Variants in CLIC2 observed in about 807,000 individuals in gnomAD.
The protein encoded by CLIC2 is CLIC family member 2, also known as chloride intracellular channel protein 2.
CLIC2 carries 9 observed loss-of-function variants against 14.8 expected under a neutral mutation model. The observed-to-expected ratio is 0.61, with a 90% CI of 0.37 to 1.06. The LOEUF is 1.06. CLIC2 is among the 50% of genes least tolerant of loss of function. CLIC2 has a pLI of 0.01. For synonymous variants in CLIC2, 61 were observed against 66.3 expected, an observed-to-expected ratio of 0.92 and a Z score of 0.39; for missense variants, 148 against 181.4, an observed-to-expected ratio of 0.82 and a Z score of 1.06.
intron 1 of CLIC2, among the ~76,000 whole-genome samples, chrX:155,312,555 T>G (rs1338806387): frequency 1.8e-5 from 2 of 111,946 alleles, no homozygotes; most frequent in East Asian, 5.6e-4. Flanking sequence ...CCATGCTGTT[T>G]TGGTAACCAT....
At chrX:155,285,832 T>G (rs894563451) in intron 3 of CLIC2, among the ~76,000 whole-genome samples, 2 of 110,118 alleles carry the variant, frequency 1.8e-5, no homozygotes, top group Non-Finnish European at 3.8e-5. Flanking sequence ...TTTCTTTCTT[T>G]TTTTTTTATT....
At chrX:155,281,578 C>T (rs1446787295) in intron 3 of CLIC2, among the ~76,000 whole-genome samples, 1 of 110,892 alleles carries the variant, frequency 9.0e-6, no homozygotes, top group East Asian at 2.8e-4. Flanking sequence ...CTTGATTCCT[C>T]TCTTTCCTTC....
intron 1 of CLIC2, among the ~76,000 whole-genome samples, chrX:155,317,437 T>G (rs1411408816): frequency 1.8e-5 from 2 of 111,717 alleles, no homozygotes; most frequent in Non-Finnish European, 3.8e-5. Flanking sequence ...CATCTTTACA[T>G]GCATAAACTA....
At chrX:155,303,201 A>T (rs1282204720) in intron 1 of CLIC2, among the ~76,000 whole-genome samples, 5 of 73,275 alleles carry the variant, frequency 6.8e-5, no homozygotes, top group Admixed American at 1.7e-4. Context: ...CCCATTATTA[A>T]TGTGTGGGAG....
intron 1 of CLIC2, among the ~76,000 whole-genome samples, chrX:155,319,826 C>T (rs1436755376): frequency 8.9e-6 from 1 of 112,123 alleles, no homozygotes; most frequent in Non-Finnish European, 1.9e-5. Flanking sequence ...ATTCTCACTG[C>T]CAGCACAGCA....
intron 1 of CLIC2, among the ~76,000 whole-genome samples, chrX:155,302,479 T>C (rs1197407371): frequency 5.1e-3 from 543 of 105,583 alleles, no homozygotes; most frequent in Non-Finnish European, 8.3e-3. Context: ...TTTTTTTCTT[T>C]ATTAGTCTTG....
At chrX:155,290,520 C>T (rs1349900644) in intron 3 of CLIC2, 2 of 564,108 alleles carry the variant, frequency 3.5e-6, no homozygotes, top group Non-Finnish European at 6.4e-6. Flanking sequence ...TTACAACATC[C>T]ATAGTTGTCT....
rs2075167649 is a variant in CLIC2 at position 155,334,501 on chromosome X, T to G, written c.-74A>C. The G allele has an allele frequency of 2.2e-6, 2 of 896,635 alleles. No individual in the cohort carries two copies. The highest frequency in any genetic ancestry group is 2.0e-5 in the South Asian group (1 of 50,436). The allele number at this position is 896,635 out of a possible 1,213,427, so 73.9% of individuals were successfully genotyped here. ...CAATACTTGTAGACTCTTTTCTCAA[T>G]TTTATCCAAAGACTCAAGTAATGTT... is the stretch of plus-strand genomic sequence containing the variant. On this transcript the variant is annotated 5_prime_UTR_variant, in exon 1 of 6. Coordinates refer to ENST00000369449, the MANE Select transcript of CLIC2 (RefSeq NM_001289.6).
intron 1 of CLIC2, among the ~76,000 whole-genome samples, chrX:155,299,928 AG>A (rs2075009535): frequency 9.1e-6 from 1 of 110,486 alleles, no homozygotes. Flanking sequence ...ATGGCTGCAT[AG>A]TATTCCATGG....
rs782595257 is a variant in CLIC2 at position 155,315,054 on chromosome X, G to GA, written c.58-15910dup. Among the ~76,000 whole-genome samples, 26 of 110,396 alleles carry GA rather than the reference G, an allele frequency of 2.4e-4. No homozygotes were observed. The East Asian group carries it at 2.6e-3, about 11-fold the overall frequency. ...ATTAACTGAATCCCTCAAAGACAAA[G>GA]AAAAAAATAATTAAAAAACAAAAAA... On this transcript the variant is annotated intron_variant, in intron 1 of 5. Transcript: ENST00000369449.
At chrX:155,300,277 A>C (rs376324922) in intron 1 of CLIC2, among the ~76,000 whole-genome samples, 2 of 110,215 alleles carry the variant, frequency 1.8e-5, no homozygotes, top group Admixed American at 1.9e-4. Flanking sequence ...TTCTAACTGG[A>C]GTGAGATGGT....
At chrX:155,293,065 C>T in intron 3 of CLIC2, 1 of 622,152 alleles carries the variant, frequency 1.6e-6, no homozygotes. Flanking sequence ...TCCTGAGCTC[C>T]CTGCTCTAGA....
At chrX:155,328,873 G>A (rs1183670696) in intron 1 of CLIC2, among the ~76,000 whole-genome samples, 1 of 110,311 alleles carries the variant, frequency 9.1e-6, no homozygotes, top group Admixed American at 9.7e-5. Context: ...ATACACTGGG[G>A]AAAGGTGCTG....
intron 3 of CLIC2, among the ~76,000 whole-genome samples, chrX:155,294,646 A>G (rs2074986446): frequency 8.9e-6 from 1 of 112,085 alleles, no homozygotes; most frequent in South Asian, 3.6e-4. Context: ...TAGACTAACC[A>G]AAAAAGTAGA....
At chrX:155,323,925 T>C (rs1165048868) in intron 1 of CLIC2, among the ~76,000 whole-genome samples, 1 of 112,119 alleles carries the variant, frequency 8.9e-6, no homozygotes, top group Admixed American at 9.4e-5. Context: ...CCATTCACAA[T>C]TGCTACAAAG....
chrX:155,285,112 A>T (rs1024866033), intron 3 of CLIC2, among the ~76,000 whole-genome samples: 13 of 112,531 alleles, frequency 1.2e-4, no homozygotes, highest in Non-Finnish European at 1.9e-4. Context: ...TAAAAAGTAG[A>T]TAAAACAAAG....
intron 1 of CLIC2, among the ~76,000 whole-genome samples, chrX:155,328,795 G>T (rs1330872461): frequency 1.8e-5 from 2 of 110,892 alleles, no homozygotes; most frequent in Non-Finnish European, 3.8e-5. Context: ...CAGTGGAAAA[G>T]AATAGAGAAC....
intron 1 of CLIC2, among the ~76,000 whole-genome samples, chrX:155,306,885 G>A (rs2075057676): frequency 9.0e-6 from 1 of 111,226 alleles, no homozygotes; most frequent in African/African-American, 3.3e-5. Context: ...CTCCAGAATT[G>A]GGAATTAAAA....
intron 1 of CLIC2, among the ~76,000 whole-genome samples, chrX:155,324,054 C>A (rs1350720196): frequency 8.9e-6 from 1 of 111,925 alleles, no homozygotes; most frequent in Non-Finnish European, 1.9e-5. Context: ...ACATTCCATG[C>A]TCATGGATAG....
Sources: allele counts gnomAD v4.1 joint callset (sites outside exome capture counted in the v4.1 genomes callset), GRCh38; gene constraint gnomAD v4.1.1; transcripts MANE v1.5; gene names NCBI Gene and HGNC (gene_info 2026-07-23, HGNC 2026-07-21).